SH2D1A: variants seen among roughly 807,000 people sequenced by gnomAD.
SH2D1A encodes SH2 domain containing 1A.
A neutral mutation model predicts 10.1 loss-of-function variants in SH2D1A; 6 were observed. That is an observed-to-expected ratio of 0.60 (90% CI 0.33 to 1.18). SH2D1A has a LOEUF of 1.18. SH2D1A is among the 50% of genes most tolerant of loss of function. SH2D1A has a pLI of 0.04. For synonymous variants in SH2D1A, 42 were observed against 36.9 expected, an observed-to-expected ratio of 1.14 and a Z score of -0.51; for missense variants, 51 against 97.6, an observed-to-expected ratio of 0.52 and a Z score of 2.01.
rs182258503 is a variant in SH2D1A at position 124,361,407 on chromosome X, T to C, written c.138-4354T>C. Among the ~76,000 whole-genome samples, 10 of 112,248 alleles carry C rather than the reference T, an allele frequency of 8.9e-5. No individual in the cohort carries two copies. The East Asian group carries it at 2.2e-3, about 25-fold the overall frequency. On this transcript the variant is annotated intron_variant, in intron 1 of 3. Coordinates refer to ENST00000371139, the MANE Select transcript of SH2D1A (RefSeq NM_002351.5). ...TTAAGCCACCCTGTCTATGGTATCT[T>C]GTTATGGCAGCCTGAACAGACCAAT...
intron 1 of SH2D1A, among the ~76,000 whole-genome samples, chrX:124,362,732 G>GA (rs1229369298): frequency 1.8e-5 from 2 of 111,394 alleles, no homozygotes; most frequent in African/African-American, 3.3e-5. Context: ...TTTGGGGGTC[G>GA]AGAGTGGAAT....
chrX:124,356,441 G>GTTTA (rs960746862), intron 1 of SH2D1A, among the ~76,000 whole-genome samples: 1 of 111,609 alleles, frequency 9.0e-6, no homozygotes, highest in African/African-American at 3.3e-5. Flanking sequence ...GATTTTATTT[G>GTTTA]TTTATTTATT....
chrX:124,370,012 A>G (rs2060065549), intron 2 of SH2D1A, among the ~76,000 whole-genome samples, 164 bp from the exon 3 acceptor site: 1 of 111,580 alleles, frequency 9.0e-6, no homozygotes, highest in Non-Finnish European at 1.9e-5. Context: ...CAGCCAACCA[A>G]AGTAAGCTCT....
chrX:124,351,650 T>A (rs1432353270), intron 1 of SH2D1A, among the ~76,000 whole-genome samples: 2 of 111,083 alleles, frequency 1.8e-5, no homozygotes, highest in Admixed American at 1.9e-4. Flanking sequence ...TCTATCTCTT[T>A]ATTTTCCACA....
intron 2 of SH2D1A, 67 bp from the exon 3 acceptor site, chrX:124,370,109 C>T: frequency 1.3e-6 from 1 of 783,382 alleles, no homozygotes. Flanking sequence ...ATCCCTAGCA[C>T]ATTTTGTAGG....
intron 1 of SH2D1A, among the ~76,000 whole-genome samples, chrX:124,365,278 T>C (rs2060051264): frequency 9.1e-6 from 1 of 110,328 alleles, no homozygotes; most frequent in Non-Finnish European, 1.9e-5. Flanking sequence ...ATTTATAGTA[T>C]TATATCCTTA....
chrX:124,372,614 T>C lies in SH2D1A; in HGVS notation c.*1223T>C, dbSNP rs1013469835. ...GTTCCCCGTGTGTAGGTAGATCTGGTCTTTAGAGGCAGATAGATAGGTCAG... is the reference window on the plus strand; with the variant it reads ...GTTCCCCGTGTGTAGGTAGATCTGGCCTTTAGAGGCAGATAGATAGGTCAG... On this transcript the variant is annotated 3_prime_UTR_variant, in exon 4 of 4. Coordinates refer to ENST00000371139, the MANE Select transcript of SH2D1A (RefSeq NM_002351.5). 5.9e-6 allele frequency: 1 copy of C among 169,397 alleles called. No homozygotes were observed. The highest frequency in any genetic ancestry group is 3.0e-5 in the African/African-American group (1 of 33,700). 14.0% of individuals were successfully genotyped at this position (169,397 alleles called of 1,213,427 possible).
At chrX:124,360,656 C>T (rs1431844901) in intron 1 of SH2D1A, among the ~76,000 whole-genome samples, 2 of 96,782 alleles carry the variant, frequency 2.1e-5, no homozygotes, top group Non-Finnish European at 4.1e-5. Context: ...TCTCTATTGA[C>T]CCAAACTTGT....
Position 124,353,669 on chromosome X carries a change from A to G in SH2D1A, c.137+6890A>G, listed in dbSNP as rs759819075. ...AGAACTAATTTAAAATATTTAAAAT[A>G]ATTAGCTCAAAAAATAGTTTATTTC... On this transcript the variant is annotated intron_variant, in intron 1 of 3. Coordinates refer to ENST00000371139, the MANE Select transcript of SH2D1A (RefSeq NM_002351.5). 6.1e-4 allele frequency among the ~76,000 whole-genome samples: 68 copies of G among 111,823 alleles called. 1 individual carries two copies. The highest frequency in any genetic ancestry group is 7.4e-4 in the South Asian group (2 of 2,693).
intron 2 of SH2D1A, 84 bp downstream of exon 2, chrX:124,365,908 C>A: frequency 1.7e-6 from 1 of 596,151 alleles, no homozygotes; most frequent in Non-Finnish European, 2.9e-6. Context: ...GCAAATTATA[C>A]ATTATTAAGT....
At chrX:124,347,131 G>A (rs1279031850) in intron 1 of SH2D1A, among the ~76,000 whole-genome samples, 1 of 111,643 alleles carries the variant, frequency 9.0e-6, no homozygotes, top group Non-Finnish European at 1.9e-5. Flanking sequence ...CCCCTATCGG[G>A]TGGCGCCCTG....
intron 1 of SH2D1A, among the ~76,000 whole-genome samples, chrX:124,348,463 G>A (rs892991884): frequency 3.6e-5 from 4 of 111,400 alleles, no homozygotes; most frequent in South Asian, 3.8e-4. Flanking sequence ...GCTCCTGGCC[G>A]TTTCTCAAGC....
chrX:124,352,369 A>G (rs1408747882), intron 1 of SH2D1A, among the ~76,000 whole-genome samples: 1 of 111,550 alleles, frequency 9.0e-6, no homozygotes, highest in African/African-American at 3.2e-5. Context: ...TTGCACTGAT[A>G]GCACTATAGT....
chrX:124,347,355 G>C (rs1569527129), intron 1 of SH2D1A, among the ~76,000 whole-genome samples: 1 of 110,618 alleles, frequency 9.0e-6, no homozygotes, highest in East Asian at 2.8e-4. Flanking sequence ...GAAAAGTAGT[G>C]GGGGGTGGGG....
chrX:124,372,305 G>T lies in SH2D1A; in HGVS notation c.*914G>T, dbSNP rs760336931. 6.0e-6 allele frequency: 1 copy of T among 167,421 alleles called. No individual in the cohort carries two copies. Among genetic ancestry groups the T allele is most frequent in the African/African-American group, 3.0e-5 (1 of 33,484 alleles). The allele number at this position is 167,421 out of a possible 1,213,427, so 13.8% of individuals were successfully genotyped here. On this transcript the variant is annotated 3_prime_UTR_variant, in exon 4 of 4. Transcript: ENST00000371139. ...TACACGAGATACAGAATTTTATGCG[G>T]CATTTTCTTCTCACATTTATATTTT...
intron 2 of SH2D1A, among the ~76,000 whole-genome samples, chrX:124,366,601 G>A (rs1011515894): frequency 6.3e-5 from 7 of 110,671 alleles, no homozygotes; most frequent in African/African-American, 1.3e-4. Context: ...TAGCTCTCAC[G>A]TTTACTGATT....
intron 1 of SH2D1A, among the ~76,000 whole-genome samples, 196 bp downstream of exon 1, chrX:124,346,975 T>A (rs1023164797): frequency 9.0e-6 from 1 of 111,596 alleles, no homozygotes; most frequent in African/African-American, 3.3e-5. Flanking sequence ...CGCTGGGGAT[T>A]TCATTCCCTG....
At chrX:124,370,724 G>A (rs1178208426) in intron 3 of SH2D1A, among the ~76,000 whole-genome samples, 1 of 111,838 alleles carries the variant, frequency 8.9e-6, no homozygotes, top group Non-Finnish European at 1.9e-5. Flanking sequence ...TTCCTTCAGG[G>A]ACATGAAAGC....
At chrX:124,352,182 G>T (rs926146808) in intron 1 of SH2D1A, among the ~76,000 whole-genome samples, 18 of 110,680 alleles carry the variant, frequency 1.6e-4, no homozygotes, top group Admixed American at 5.8e-4. Flanking sequence ...TTTTGATGTG[G>T]ATAAAAGATC....
Sources: allele counts gnomAD v4.1 joint callset (sites outside exome capture counted in the v4.1 genomes callset), GRCh38; gene constraint gnomAD v4.1.1; transcripts MANE v1.5; gene names NCBI Gene and HGNC (gene_info 2026-07-23, HGNC 2026-07-21).